ECT2: variants seen among roughly 807,000 people sequenced by gnomAD.
The protein encoded by ECT2 is epithelial cell transforming 2, also known as protein ECT2.
A neutral mutation model predicts 116.9 loss-of-function variants in ECT2; 61 were observed. That is an observed-to-expected ratio of 0.52 (90% CI 0.42 to 0.65). ECT2 has a LOEUF of 0.65. ECT2 is among the 30% of genes least tolerant of loss of function. The pLI, the probability that ECT2 is intolerant of heterozygous loss-of-function variation, is 0.00. For missense variants in ECT2, 937 were observed against 1,078.7 expected, an observed-to-expected ratio of 0.87 and a Z score of 1.84; for synonymous variants, 358 against 346.4, an observed-to-expected ratio of 1.03 and a Z score of -0.37.
intron 17 of ECT2, among the ~76,000 whole-genome samples, chr3:172,786,158 AT>A (rs1329677594): frequency 6.6e-6 from 1 of 152,208 alleles, no homozygotes; most frequent in African/African-American, 2.4e-5. Context: ...AAAATACATT[AT>A]GATTTCTGAG....
At chr3:172,753,117 A>G (rs1443940186) in intron 1 of ECT2, among the ~76,000 whole-genome samples, 2 of 152,148 alleles carry the variant, frequency 1.3e-5, no homozygotes, top group Non-Finnish European at 2.9e-5. Flanking sequence ...TTTTAGAGAG[A>G]CAGGGTCTTG....
At chr3:172,776,872 TG>T (rs1235444870) in intron 14 of ECT2, among the ~76,000 whole-genome samples, 24 of 146,810 alleles carry the variant, frequency 1.6e-4, no homozygotes, top group East Asian at 9.7e-4. Context: ...AAAACGGGTT[TG>T]TTTTTTTTTT....
At chr3:172,759,511 G>A (rs970989640) in intron 6 of ECT2, among the ~76,000 whole-genome samples, 7 of 151,838 alleles carry the variant, frequency 4.6e-5, no homozygotes, top group African/African-American at 1.7e-4. Flanking sequence ...GCGCAATCTC[G>A]GCTCACTGCA....
chr3:172,802,088 A>G (rs1171654877), intron 18 of ECT2, among the ~76,000 whole-genome samples: 2 of 148,582 alleles, frequency 1.3e-5, no homozygotes, highest in Admixed American at 6.7e-5. Flanking sequence ...GAAGGAGTCT[A>G]TGGATGTTTT....
chr3:172,801,284 T>G (rs75875117), intron 18 of ECT2, among the ~76,000 whole-genome samples: 2 of 152,336 alleles, frequency 1.3e-5, no homozygotes, highest in African/African-American at 4.8e-5. Flanking sequence ...TGCAAACAGT[T>G]TGATATTTTC....
In ECT2 at chr3:172,770,430, A is replaced by G. The variant is rs115240758; in HGVS notation, c.1428+1287A>G. Among the ~76,000 whole-genome samples, 827 of 152,312 alleles carry G rather than the reference A, an allele frequency of 5.4e-3. 5 individuals carry two copies. The highest frequency in any genetic ancestry group is 9.3e-3 in the Non-Finnish European group (636 of 68,022). On this transcript the variant is annotated intron_variant, in intron 13 of 24. Coordinates refer to ENST00000392692, the MANE Select transcript of ECT2 (RefSeq NM_001258315.2). Reference sequence around the variant, plus strand: ...ATTAGACTGGAGAAAGTTTCATACCACTTTGCTTAGTATAAACTCATCAAA... The same window carrying G: ...ATTAGACTGGAGAAAGTTTCATACCGCTTTGCTTAGTATAAACTCATCAAA...
At position 172,754,637 on chromosome 3, in the gene ECT2, T is replaced by C. The variant is rs748486976; in HGVS notation, c.107T>C (p.Ile36Thr). The C allele has an allele frequency of 3.7e-6, 6 of 1,610,204 alleles. No homozygotes were observed. In the South Asian group the frequency reaches 4.4e-5, roughly 12 times the overall value. Residue 36 changes from isoleucine to threonine, a missense_variant, in exon 2 of 25, where the codon ATT (isoleucine) becomes ACT (threonine). Physicochemically the swap from Ile to Thr is moderately conservative, Grantham distance 89. Coordinates refer to ENST00000392692, the MANE Select transcript of ECT2 (RefSeq NM_001258315.2). Reference protein sequence around the residue: ...VTEISKENLLIGSTSYVEEEM... With the variant: ...VTEISKENLLTGSTSYVEEEM... ...GAGATTTCCAAGGAAAACTTACTTATTGGATCTACTTCATATGTAGAAGGT... is the reference window on the plus strand; with the variant it reads ...GAGATTTCCAAGGAAAACTTACTTACTGGATCTACTTCATATGTAGAAGGT...
At chr3:172,792,413 C>CT (rs1356426157) in intron 18 of ECT2, among the ~76,000 whole-genome samples, 1 of 147,416 alleles carries the variant, frequency 6.8e-6, no homozygotes, top group Non-Finnish European at 1.5e-5. Context: ...CCTATATGCA[C>CT]TTTCTATGAT....
intron 24 of ECT2, chr3:172,818,630 G>A (rs1317288892): frequency 3.9e-6 from 5 of 1,288,724 alleles, no homozygotes; most frequent in East Asian, 5.6e-5. Context: ...ACTGGTGGGC[G>A]CTCTCAGTAC....
chr3:172,799,234 C>T (rs557228305), intron 18 of ECT2, among the ~76,000 whole-genome samples: 2 of 152,212 alleles, frequency 1.3e-5, no homozygotes, highest in African/African-American at 4.8e-5. Context: ...TGTACTGTTT[C>T]TAAAGCCCTA....
intron 14 of ECT2, among the ~76,000 whole-genome samples, chr3:172,778,841 C>T (rs1722220384): frequency 2.0e-5 from 3 of 151,976 alleles, no homozygotes; most frequent in African/African-American, 7.2e-5. Context: ...GTGATCTGCC[C>T]GCCTCGGCCT....
In ECT2 at chr3:172,760,289, T is replaced by G. The variant is rs146327055; in HGVS notation, c.684+26T>G. 34 of 1,431,630 alleles carry G rather than the reference T, an allele frequency of 2.4e-5. No homozygotes were observed. The East Asian group carries it at 7.8e-4, about 33-fold the overall frequency. The allele number at this position is 1,431,630 out of a possible 1,614,324, so 88.7% of individuals were successfully genotyped here. A position where few individuals can be genotyped will look rare whatever the true frequency, so the allele number is the denominator to read the frequency against. On this transcript the variant is annotated intron_variant, in intron 7 of 24. Transcript: ENST00000392692. ...GTATGTAAACTTGGGTATTTTTGTG[T>G]ATTTCAATACAGCATTATTTTGGCA...
At chr3:172,792,652 A>G (rs763890695) in intron 18 of ECT2, among the ~76,000 whole-genome samples, 1 of 152,192 alleles carries the variant, frequency 6.6e-6, no homozygotes, top group African/African-American at 2.4e-5. Flanking sequence ...TTGTATAGAC[A>G]TATGCCTTCA....
chr3:172,787,658 T>G (rs76605452), intron 18 of ECT2, among the ~76,000 whole-genome samples: 4,828 of 152,300 alleles, frequency 0.032, 161 homozygotes, highest in East Asian at 0.16. Context: ...TCTCTGTAAT[T>G]TTTCAACACC....
intron 18 of ECT2, among the ~76,000 whole-genome samples, chr3:172,795,678 G>A (rs1305195389): frequency 6.6e-6 from 1 of 152,044 alleles, no homozygotes; most frequent in Non-Finnish European, 1.5e-5. Flanking sequence ...AGGCATAATT[G>A]CTAAAAAATT....
chr3:172,794,978 C>G (rs1725350249), intron 18 of ECT2, among the ~76,000 whole-genome samples: 1 of 152,102 alleles, frequency 6.6e-6, no homozygotes, highest in African/African-American at 2.4e-5. Context: ...TCCCAAAGTT[C>G]TTCGATTACA....
intron 6 of ECT2, among the ~76,000 whole-genome samples, chr3:172,759,946 C>G (rs1272198521): frequency 6.6e-6 from 1 of 152,140 alleles, no homozygotes; most frequent in African/African-American, 2.4e-5. Context: ...GAAATCTTTA[C>G]TAATCCCACC....
In ECT2 at chr3:172,816,997, A is replaced by G. The variant is rs139516809; in HGVS notation, c.2655+160A>G. 1.4e-3 allele frequency among the ~76,000 whole-genome samples: 214 copies of G among 152,302 alleles called. 1 individual carries two copies. The highest frequency in any genetic ancestry group is 5.0e-3 in the African/African-American group (206 of 41,574). On this transcript the variant is annotated intron_variant, in intron 24 of 24. Transcript: ENST00000392692. Reference sequence around the variant, plus strand: ...AATATTATCATTTGAATGCGAATCAATGTAAAATTATCAGTGAGATATTTT... The same window carrying G: ...AATATTATCATTTGAATGCGAATCAGTGTAAAATTATCAGTGAGATATTTT...
At chr3:172,807,333 T>C (rs974040224) in intron 21 of ECT2, among the ~76,000 whole-genome samples, 2 of 152,230 alleles carry the variant, frequency 1.3e-5, no homozygotes, top group African/African-American at 4.8e-5. Context: ...CGGTCAGCAG[T>C]TGATTGAATC....
Sources: allele counts gnomAD v4.1 joint callset (sites outside exome capture counted in the v4.1 genomes callset), GRCh38; gene constraint gnomAD v4.1.1; transcripts MANE v1.5; gene names NCBI Gene and HGNC (gene_info 2026-07-23, HGNC 2026-07-21).